SLIT3: variants seen among roughly 807,000 people sequenced by gnomAD.
SLIT3 encodes slit guidance ligand 3, also known as slit homolog 3 protein.
In SLIT3, 68 loss-of-function variants were observed where a neutral mutation model predicts 184.0. That is an observed-to-expected ratio of 0.37 (90% CI 0.30 to 0.45). The LOEUF is 0.45. Among genes scored for constraint, SLIT3 ranks in the 20% least tolerant of loss-of-function variants. The pLI is 1.00. For missense variants in SLIT3, 1,707 were observed against 2,026.0 expected (o/e 0.84, Z 3.02); for synonymous variants, 831 against 828.6 (o/e 1.00, Z -0.05).
At chr5:168,961,764 C>T (rs1008556262) in intron 4 of SLIT3, among the ~76,000 whole-genome samples, 5 of 152,054 alleles carry the variant, frequency 3.3e-5, no homozygotes, top group South Asian at 2.1e-4. Context: ...GAAAGAGCCA[C>T]GGGGCCTAAC....
intron 30 of SLIT3, among the ~76,000 whole-genome samples, chr5:168,686,252 A>G (rs1314618691): frequency 1.3e-5 from 2 of 152,164 alleles, no homozygotes; most frequent in Non-Finnish European, 2.9e-5. Flanking sequence ...AAATAAAATC[A>G]TGGAGTTGGA....
chr5:168,671,580 AACTCTGGGC>A, intron 33 of SLIT3, 97 bp from the exon 34 acceptor site: 1 of 1,351,102 alleles, frequency 7.4e-7, no homozygotes, highest in Non-Finnish European at 1.0e-6. Flanking sequence ...TCATGGCCAG[AACTCTGGGC>A]CTCTGCTGTT....
chr5:169,093,957 G>T (rs1410025995), intron 4 of SLIT3, among the ~76,000 whole-genome samples: 1 of 152,158 alleles, frequency 6.6e-6, no homozygotes, highest in African/African-American at 2.4e-5. Context: ...CCTAATGTTT[G>T]TTAAGAGTAT....
chr5:168,958,322 A>G lies in SLIT3; in HGVS notation c.414-74986T>C, dbSNP rs1762899043. 2.0e-5 allele frequency among the ~76,000 whole-genome samples: 3 copies of G among 152,350 alleles called. No individual in the cohort carries two copies. The South Asian group carries it at 6.2e-4, about 32-fold the overall frequency. ...TGGAAGGATAGTTTATGAATGGTCA[A>G]CTGCTTGAGGAAACTGCATGGCATT... On this transcript the variant is annotated intron_variant, in intron 4 of 35. Coordinates refer to ENST00000519560, the MANE Select transcript of SLIT3 (RefSeq NM_003062.4).
At chr5:168,953,816 C>A (rs1199604606) in intron 4 of SLIT3, among the ~76,000 whole-genome samples, 2 of 152,178 alleles carry the variant, frequency 1.3e-5, no homozygotes, top group African/African-American at 2.4e-5. Flanking sequence ...GGAATTGGGG[C>A]AACAGAATCA....
intron 1 of SLIT3, among the ~76,000 whole-genome samples, chr5:169,293,611 T>A (rs902112673): frequency 2.6e-5 from 4 of 152,182 alleles, no homozygotes; most frequent in Admixed American, 6.5e-5. Context: ...AGTATTATTA[T>A]TATTCCCATT....
At chr5:168,831,397 A>T (rs966264221) in intron 6 of SLIT3, among the ~76,000 whole-genome samples, 2 of 152,152 alleles carry the variant, frequency 1.3e-5, no homozygotes, top group Non-Finnish European at 2.9e-5. Flanking sequence ...TGGGTGCTGC[A>T]TATTACTGAG....
At chr5:168,803,983 G>A (rs578047133) in intron 9 of SLIT3, among the ~76,000 whole-genome samples, 2 of 151,742 alleles carry the variant, frequency 1.3e-5, no homozygotes, top group African/African-American at 4.8e-5. Flanking sequence ...AGGGAGAGAA[G>A]GGGAGAAATG....
intron 20 of SLIT3, among the ~76,000 whole-genome samples, chr5:168,733,839 G>A (rs948858321): frequency 6.6e-6 from 1 of 151,288 alleles, no homozygotes; most frequent in Non-Finnish European, 1.5e-5. Context: ...TATATACATT[G>A]AATACTACTC....
chr5:168,877,995 T>C (rs1350285633), intron 5 of SLIT3, among the ~76,000 whole-genome samples: 2 of 152,324 alleles, frequency 1.3e-5, no homozygotes, highest in East Asian at 1.9e-4. Context: ...GATTTCTTTT[T>C]CTTTCCCTCC....
rs531601070 is a variant in SLIT3 at position 169,047,348 on chromosome 5, T to C, written c.413+146131A>G. On this transcript the variant is annotated intron_variant, in intron 4 of 35. Transcript: ENST00000519560. Reference sequence around the variant, plus strand: ...CGCTTTCAAATCTGTCTCCAAGCTCTGCTGATTTTACAGCTGAAATGCCTT... The same window carrying C: ...CGCTTTCAAATCTGTCTCCAAGCTCCGCTGATTTTACAGCTGAAATGCCTT... 2.0e-5 allele frequency among the ~76,000 whole-genome samples: 3 copies of C among 152,306 alleles called. No homozygotes were observed. In the East Asian group the frequency reaches 5.8e-4, roughly 29 times the overall value.
intron 4 of SLIT3, among the ~76,000 whole-genome samples, chr5:169,097,915 C>T (rs965324874): frequency 1.3e-5 from 2 of 152,178 alleles, no homozygotes; most frequent in Admixed American, 6.5e-5. Context: ...AAGGCCTGAG[C>T]TTTTAAAAAT....
chr5:169,215,916 A>G (rs1224860018), intron 3 of SLIT3, among the ~76,000 whole-genome samples: 2 of 152,188 alleles, frequency 1.3e-5, no homozygotes, highest in Non-Finnish European at 2.9e-5. Context: ...CACTCTTTTA[A>G]ACATTTTACA....
At chr5:169,091,345 G>A (rs536859544) in intron 4 of SLIT3, among the ~76,000 whole-genome samples, 10 of 152,220 alleles carry the variant, frequency 6.6e-5, no homozygotes, top group South Asian at 2.1e-4. Context: ...TGTTTCCAAC[G>A]GCATGGTTGG....
At position 169,300,456 on chromosome 5, in the gene SLIT3, G is replaced by C. The variant is rs942516043; in HGVS notation, c.197+57C>G. The C allele has an allele frequency of 2.2e-6, 3 of 1,393,182 alleles. No individual in the cohort carries two copies. The highest frequency in any genetic ancestry group is 2.5e-4 in the Middle Eastern group (1 of 3,932). 86.3% of individuals were successfully genotyped at this position (1,393,182 alleles called of 1,614,324 possible). ...GGAAAGGACGGATCTGGCGCCTGGG[G>C]CCCCCTCGGTGGGACCCAGGTGGGT... is the stretch of plus-strand genomic sequence containing the variant. On this transcript the variant is annotated intron_variant, in intron 1 of 35. Transcript: ENST00000519560. This position sits in a 1 kb window ranked among gnomAD's most constrained non-coding sequence, Gnocchi z 4.1.
chr5:169,152,877 C>T (rs1259195136), intron 4 of SLIT3, among the ~76,000 whole-genome samples: 1 of 152,236 alleles, frequency 6.6e-6, no homozygotes, highest in Non-Finnish European at 1.5e-5. Flanking sequence ...CAGGCACTCC[C>T]ACCTGGACCC....
chr5:169,269,928 A>G (rs973608671), intron 1 of SLIT3, among the ~76,000 whole-genome samples: 1 of 152,206 alleles, frequency 6.6e-6, no homozygotes, highest in Non-Finnish European at 1.5e-5. Context: ...GGAGGTGGGG[A>G]CATTCCATTT....
chr5:169,062,604 G>A (rs34585714), intron 4 of SLIT3, among the ~76,000 whole-genome samples: 6,287 of 152,290 alleles, frequency 0.041, 180 homozygotes, highest in Middle Eastern at 0.092. Context: ...TTAGATACTA[G>A]TGTATCATCC....
intron 1 of SLIT3, among the ~76,000 whole-genome samples, chr5:169,298,575 G>A (rs1190266430): frequency 6.6e-6 from 1 of 152,190 alleles, no homozygotes; most frequent in Non-Finnish European, 1.5e-5. Flanking sequence ...AACATTTGCA[G>A]GGTATACCAG....
Sources: allele counts gnomAD v4.1 joint callset (sites outside exome capture counted in the v4.1 genomes callset), GRCh38; gene constraint gnomAD v4.1.1; non-coding constraint Gnocchi (gnomAD v3.1); transcripts MANE v1.5; gene names NCBI Gene and HGNC (gene_info 2026-07-23, HGNC 2026-07-21).